TRIM2: variants seen among roughly 807,000 people sequenced by gnomAD.
TRIM2 encodes the protein tripartite motif containing 2.
In TRIM2, 20 loss-of-function variants were observed where a neutral mutation model predicts 75.2. The ratio of observed to expected loss-of-function variants is 0.27; its 90% CI spans 0.19 to 0.39. TRIM2 has a LOEUF of 0.39. TRIM2 is among the 10% of genes least tolerant of loss of function. TRIM2 has a pLI of 1.00. For missense variants in TRIM2, 660 were observed against 990.8 expected (o/e 0.67, Z 4.48); for synonymous variants, 373 against 388.3 (o/e 0.96, Z 0.46).
At chr4:153,175,386 G>T (rs894087452) in intron 1 of TRIM2, among the ~76,000 whole-genome samples, 24 of 152,122 alleles carry the variant, frequency 1.6e-4, no homozygotes, top group Non-Finnish European at 5.9e-5. Context: ...GATGTGCACA[G>T]CCGGATATTC....
At chr4:153,157,637 G>A (rs1047683514) in intron 1 of TRIM2, among the ~76,000 whole-genome samples, 2 of 152,178 alleles carry the variant, frequency 1.3e-5, no homozygotes, top group African/African-American at 4.8e-5. Flanking sequence ...AAAAAATGTG[G>A]TTGATTCTTT....
chr4:153,170,090 G>A (rs895428573), intron 1 of TRIM2, among the ~76,000 whole-genome samples: 11 of 152,284 alleles, frequency 7.2e-5, no homozygotes, highest in African/African-American at 2.4e-4. Context: ...TGGCCTGATT[G>A]TTGAGGATAA....
At chr4:153,311,136 C>G (rs891701758) in intron 6 of TRIM2, among the ~76,000 whole-genome samples, 30 of 152,184 alleles carry the variant, frequency 2.0e-4, no homozygotes, top group African/African-American at 6.5e-4. Context: ...AATATCTTCC[C>G]AAGTTTTAAA....
intron 1 of TRIM2, among the ~76,000 whole-genome samples, chr4:153,210,492 C>T (rs55888063): frequency 2.6e-5 from 4 of 152,168 alleles, no homozygotes; most frequent in Non-Finnish European, 5.9e-5. Context: ...TCACAGGCAA[C>T]TGGGCAATAA....
intron 1 of TRIM2, among the ~76,000 whole-genome samples, chr4:153,155,410 G>A (rs1380097905): frequency 6.6e-6 from 1 of 152,142 alleles, no homozygotes; most frequent in African/African-American, 2.4e-5. Flanking sequence ...AAAAGAATAT[G>A]CAGAAATTGG....
chr4:153,308,604 C>T (rs1765538481), intron 6 of TRIM2: 1 of 646,214 alleles, frequency 1.5e-6, no homozygotes, highest in Admixed American at 1.8e-5. Flanking sequence ...CAGTGGTGAT[C>T]TCATCCACAC....
intron 8 of TRIM2, among the ~76,000 whole-genome samples, chr4:153,317,083 T>C (rs1182322372): frequency 6.6e-6 from 1 of 150,656 alleles, no homozygotes; most frequent in African/African-American, 2.4e-5. Flanking sequence ...GGTTTCACCG[T>C]GTTAGCTAGG....
At chr4:153,332,684 G>C (rs1771753186) in intron 11 of TRIM2, among the ~76,000 whole-genome samples, 1 of 151,426 alleles carries the variant, frequency 6.6e-6, no homozygotes, top group Non-Finnish European at 1.5e-5. Flanking sequence ...GGCATAAAGA[G>C]AAATTTTACT....
intron 1 of TRIM2, among the ~76,000 whole-genome samples, chr4:153,245,247 C>T (rs1204141067): frequency 1.3e-5 from 2 of 152,246 alleles, no homozygotes; most frequent in African/African-American, 4.8e-5. Flanking sequence ...CTTATCTTGG[C>T]TTATGCACAA....
intron 1 of TRIM2, among the ~76,000 whole-genome samples, chr4:153,258,414 C>A (rs913969624): frequency 1.3e-5 from 2 of 150,616 alleles, no homozygotes; most frequent in Non-Finnish European, 3.0e-5. Context: ...AAAAAAAAAA[C>A]CCTTGGGTTT....
At chr4:153,236,905 C>A (rs1161982493) in intron 1 of TRIM2, among the ~76,000 whole-genome samples, 1 of 152,092 alleles carries the variant, frequency 6.6e-6, no homozygotes, top group African/African-American at 2.4e-5. Flanking sequence ...GTTGCCTAGG[C>A]CTGGTCTCAA....
chr4:153,275,569 G>A (rs947547001), intron 2 of TRIM2, among the ~76,000 whole-genome samples: 3 of 152,188 alleles, frequency 2.0e-5, no homozygotes, highest in African/African-American at 7.2e-5. Flanking sequence ...GTGTTCGATA[G>A]GGTCTAAGAT....
At chr4:153,156,559 G>C (rs60705311) in intron 1 of TRIM2, among the ~76,000 whole-genome samples, 47,375 of 152,006 alleles carry the variant, frequency 0.31, 7,657 homozygotes, top group South Asian at 0.43. Flanking sequence ...GAAGTGTCCT[G>C]AAGCTGCCTC....
chr4:153,309,306 CTGA>C (rs1579574738), intron 6 of TRIM2, among the ~76,000 whole-genome samples: 1 of 152,144 alleles, frequency 6.6e-6, no homozygotes. Context: ...CCCCCTGTCT[CTGA>C]TGATCTCGGT....
intron 1 of TRIM2, among the ~76,000 whole-genome samples, chr4:153,198,412 C>A (rs914719368): frequency 6.6e-6 from 1 of 152,154 alleles, no homozygotes; most frequent in African/African-American, 2.4e-5. Flanking sequence ...GCTTTTGCTT[C>A]CCCCTCATTC....
chr4:153,299,215 G>T (rs1161143190), intron 6 of TRIM2, among the ~76,000 whole-genome samples: 1 of 152,048 alleles, frequency 6.6e-6, no homozygotes. Flanking sequence ...AACATTTTTA[G>T]ATTCCTCATA....
chr4:153,308,614 C>T, intron 6 of TRIM2: 1 of 638,552 alleles, frequency 1.6e-6, no homozygotes, highest in Non-Finnish European at 3.0e-6. Flanking sequence ...CTCATCCACA[C>T]CTTTGGTCTT....
chr4:153,164,915 T>G lies in TRIM2; in HGVS notation c.-49+11645T>G, dbSNP rs190221469. On this transcript the variant is annotated intron_variant, in intron 1 of 11. Transcript: ENST00000437508. Reference sequence around the variant, plus strand: ...TGTTTCCTTTCATAGGCTGGATTTTTTTTTGTTTTGTTTTATCCAGAGCTA... The same window carrying G: ...TGTTTCCTTTCATAGGCTGGATTTTGTTTTGTTTTGTTTTATCCAGAGCTA... 2.5e-3 allele frequency among the ~76,000 whole-genome samples: 388 copies of G among 152,348 alleles called. 6 individuals carry two copies. The highest frequency in any genetic ancestry group is 8.7e-3 in the African/African-American group (362 of 41,584).
intron 6 of TRIM2, among the ~76,000 whole-genome samples, chr4:153,304,262 C>T (rs1481217068): frequency 6.6e-6 from 1 of 151,980 alleles, no homozygotes; most frequent in Non-Finnish European, 1.5e-5. Flanking sequence ...TACAGGCGTG[C>T]ACCACCACAC....
Sources: allele counts gnomAD v4.1 joint callset (sites outside exome capture counted in the v4.1 genomes callset), GRCh38; gene constraint gnomAD v4.1.1; transcripts MANE v1.5; gene names NCBI Gene and HGNC (gene_info 2026-07-23, HGNC 2026-07-21).